The following MACROD2 variants were observed in gnomAD, a reference collection of about 807,000 sequenced individuals.
MACROD2 encodes mono-ADP ribosylhydrolase 2.
Under a neutral mutation model 70.4 loss-of-function variants are expected in MACROD2, and 36 were observed. That is an observed-to-expected ratio of 0.51 (90% CI 0.39 to 0.68). The LOEUF is 0.68. MACROD2 is among the 30% of genes least tolerant of loss of function. MACROD2 has a pLI of 0.00. For synonymous variants in MACROD2, 172 were observed against 178.8 expected, an observed-to-expected ratio of 0.96 and a Z score of 0.30; for missense variants, 496 against 538.4, an observed-to-expected ratio of 0.92 and a Z score of 0.78.
chr20:15,817,202 T>A (rs1461526091), intron 8 of MACROD2, among the ~76,000 whole-genome samples: 2 of 152,182 alleles, frequency 1.3e-5, no homozygotes, highest in Non-Finnish European at 2.9e-5. Flanking sequence ...TTCTCTTAAA[T>A]CAAAGCAAAG....
intron 2 of MACROD2, among the ~76,000 whole-genome samples, chr20:14,044,916 A>G (rs1475491494): frequency 1.3e-5 from 2 of 152,152 alleles, no homozygotes; most frequent in Non-Finnish European, 2.9e-5. Context: ...GCAGGAGCCC[A>G]TGGCAGTGGA....
intron 5 of MACROD2, among the ~76,000 whole-genome samples, chr20:14,973,253 G>A (rs173294): frequency 0.19 from 25,541 of 133,944 alleles, 3,163 homozygotes; most frequent in East Asian, 0.32. Context: ...TTTTTTTGAG[G>A]TAGAGTCTCA....
chr20:15,576,552 G>T (rs1353710938), intron 8 of MACROD2, among the ~76,000 whole-genome samples: 8 of 145,752 alleles, frequency 5.5e-5, no homozygotes, highest in Non-Finnish European at 7.5e-5. Context: ...TGCACAAAAT[G>T]TTTTTTTTTT....
chr20:15,451,049 C>T (rs553171155), intron 7 of MACROD2, among the ~76,000 whole-genome samples: 3 of 152,048 alleles, frequency 2.0e-5, no homozygotes, highest in South Asian at 2.1e-4. Context: ...TTAAAAAGGT[C>T]GTATCTTCTA....
intron 5 of MACROD2, among the ~76,000 whole-genome samples, chr20:14,930,831 A>AT (rs1159808383): frequency 1.8e-4 from 24 of 136,576 alleles, no homozygotes; most frequent in South Asian, 1.2e-3. Flanking sequence ...TTTTTTAAGT[A>AT]ATTTTTTTTT....
At chr20:15,675,346 T>C (rs2050041961) in intron 8 of MACROD2, among the ~76,000 whole-genome samples, 1 of 152,302 alleles carries the variant, frequency 6.6e-6, no homozygotes, top group African/African-American at 2.4e-5. Flanking sequence ...ACCTCAGTAC[T>C]CACCCTCCCT....
At chr20:15,361,209 A>G (rs927656483) in intron 6 of MACROD2, among the ~76,000 whole-genome samples, 1 of 152,230 alleles carries the variant, frequency 6.6e-6, no homozygotes, top group Admixed American at 6.5e-5. Context: ...ACTTAAATCT[A>G]CAATCTATTT....
At chr20:15,006,870 G>T in intron 5 of MACROD2, among the ~76,000 whole-genome samples, 1 of 152,100 alleles carries the variant, frequency 6.6e-6, no homozygotes, top group East Asian at 1.9e-4. Flanking sequence ...TGCTTATTAA[G>T]ATCCAGTTTG....
At chr20:15,783,046 T>C (rs1014918681) in intron 8 of MACROD2, among the ~76,000 whole-genome samples, 2 of 152,166 alleles carry the variant, frequency 1.3e-5, no homozygotes, top group African/African-American at 4.8e-5. Flanking sequence ...TCTTTCTTTT[T>C]TAAATTTTCT....
chr20:15,743,399 C>A (rs1400102244), intron 8 of MACROD2, among the ~76,000 whole-genome samples: 1 of 152,124 alleles, frequency 6.6e-6, no homozygotes, highest in Non-Finnish European at 1.5e-5. Flanking sequence ...ATGGAGGTTA[C>A]AGCTAGTTTG....
intron 7 of MACROD2, among the ~76,000 whole-genome samples, chr20:15,446,272 A>G (rs1231120111): frequency 2.0e-5 from 3 of 152,134 alleles, no homozygotes; most frequent in African/African-American, 4.8e-5. Flanking sequence ...CCATCCTTCT[A>G]TGCATCATAT....
chr20:15,582,746 G>A (rs963134558), intron 8 of MACROD2, among the ~76,000 whole-genome samples: 16 of 152,152 alleles, frequency 1.1e-4, no homozygotes, highest in African/African-American at 2.9e-4. Flanking sequence ...GAGAAAAGAC[G>A]TGTCCTGCAA....
chr20:15,699,340 C>T (rs1420014522), intron 8 of MACROD2, among the ~76,000 whole-genome samples: 1 of 152,152 alleles, frequency 6.6e-6, no homozygotes, highest in African/African-American at 2.4e-5. Context: ...CAGTAATTGT[C>T]TCTCTTCTGG....
chr20:14,087,104 A>G (rs1057037031), intron 3 of MACROD2, among the ~76,000 whole-genome samples: 1 of 152,164 alleles, frequency 6.6e-6, no homozygotes, highest in Non-Finnish European at 1.5e-5. Context: ...AGAATTGGGT[A>G]TCAGTTACAG....
At chr20:15,213,450 G>T (rs887135203) in intron 5 of MACROD2, among the ~76,000 whole-genome samples, 5 of 151,968 alleles carry the variant, frequency 3.3e-5, no homozygotes, top group South Asian at 2.1e-4. Flanking sequence ...GTTGGTTAAG[G>T]AGGCCTCTTA....
chr20:15,865,864 C>T (rs1379952182), intron 9 of MACROD2, among the ~76,000 whole-genome samples: 6 of 152,126 alleles, frequency 3.9e-5, no homozygotes, highest in Admixed American at 3.9e-4. Context: ...ATGCACCACC[C>T]CTTAGGCTTT....
chr20:14,966,847 A>G (rs1386956550), intron 5 of MACROD2, among the ~76,000 whole-genome samples: 6 of 152,124 alleles, frequency 3.9e-5, no homozygotes, highest in Non-Finnish European at 8.8e-5. Context: ...TGTTGTGCCA[A>G]TGGGTATTTG....
intron 3 of MACROD2, among the ~76,000 whole-genome samples, chr20:14,297,163 C>G (rs1214407545): frequency 1.3e-5 from 2 of 151,728 alleles, no homozygotes; most frequent in Admixed American, 6.6e-5. Flanking sequence ...TGGCTGTTTC[C>G]CCATCTCTGT....
At chr20:15,505,910 G>T (rs558251110) in intron 8 of MACROD2, among the ~76,000 whole-genome samples, 97 of 152,198 alleles carry the variant, frequency 6.4e-4, no homozygotes, top group African/African-American at 2.3e-3. Context: ...ACAGATTGTT[G>T]TTCAAAATGT....
Sources: gnomAD v4.1 joint callset for allele counts (sites outside exome capture counted in the v4.1 genomes callset) on GRCh38, gnomAD v4.1.1 for gene constraint, MANE v1.5 for transcripts, NCBI Gene and HGNC (gene_info 2026-07-23, HGNC 2026-07-21) for gene names.